Variants in NREP observed in about 807,000 individuals in gnomAD.
NREP encodes neuronal regeneration related protein, also known as neuronal regeneration-related protein.
NREP carries 5 observed loss-of-function variants against 8.6 expected under a neutral mutation model. That is an observed-to-expected ratio of 0.58 (90% confidence interval 0.30 to 1.22). The LOEUF (loss-of-function observed/expected upper bound fraction) is 1.22. Among genes scored for constraint, NREP ranks in the 50% most tolerant of loss-of-function variants. The pLI, the probability that NREP is intolerant of heterozygous loss-of-function variation, is 0.07. For synonymous variants in NREP, 27 were observed against 28.0 expected (o/e 0.96, Z 0.11); for missense variants, 86 against 82.5 (o/e 1.04, Z -0.17).
intron 2 of NREP, among the ~76,000 whole-genome samples, chr5:111,953,408 A>T (rs1230764901): frequency 6.6e-6 from 1 of 152,038 alleles, no homozygotes; most frequent in African/African-American, 2.4e-5. Flanking sequence ...TTTTTTTCCC[A>T]AAGACTTTTC....
At chr5:111,941,516 A>G (rs1298603834) in intron 2 of NREP, among the ~76,000 whole-genome samples, 1 of 152,010 alleles carries the variant, frequency 6.6e-6, no homozygotes, top group African/African-American at 2.4e-5. Context: ...TCCTCTGCGC[A>G]CTGTAAACAG....
chr5:111,883,212 G>C (rs1006803499), intron 2 of NREP, among the ~76,000 whole-genome samples: 1 of 152,136 alleles, frequency 6.6e-6, no homozygotes, highest in Admixed American at 6.6e-5. Context: ...AACCAGCAAA[G>C]ATCAAAAGAG....
chr5:111,842,618 T>A (rs1321526848), intron 2 of NREP, among the ~76,000 whole-genome samples: 1 of 152,216 alleles, frequency 6.6e-6, no homozygotes, highest in Non-Finnish European at 1.5e-5. Context: ...GTAATGTGTA[T>A]ACTATCATTA....
chr5:111,964,762 T>C (rs965171673), intron 2 of NREP, among the ~76,000 whole-genome samples: 3 of 148,258 alleles, frequency 2.0e-5, no homozygotes, highest in Non-Finnish European at 3.0e-5. Flanking sequence ...CCAGCTTACA[T>C]GTACAAGAGC....
chr5:111,881,785 G>A (rs1455585607), intron 2 of NREP, among the ~76,000 whole-genome samples: 1 of 152,062 alleles, frequency 6.6e-6, no homozygotes, highest in Non-Finnish European at 1.5e-5. Context: ...CTGTTAGAAG[G>A]AAAACTAACA....
intron 2 of NREP, among the ~76,000 whole-genome samples, chr5:111,821,699 T>C (rs1225490390): frequency 3.9e-5 from 6 of 152,132 alleles, no homozygotes; most frequent in African/African-American, 1.4e-4. Flanking sequence ...GAGATGTGTG[T>C]TGAGTTTCAT....
chr5:111,802,308 A>C (rs1352922274), intron 2 of NREP, among the ~76,000 whole-genome samples: 1 of 146,414 alleles, frequency 6.8e-6, no homozygotes, highest in African/African-American at 2.6e-5. Flanking sequence ...ACTGTTAAAA[A>C]AGTATAGCAA....
chr5:111,976,448 G>A (rs1756965901), intron 1 of NREP, among the ~76,000 whole-genome samples: 1 of 152,194 alleles, frequency 6.6e-6, no homozygotes, highest in Admixed American at 6.5e-5. Context: ...TTGGAAGCAG[G>A]AACCTCCTCT....
At chr5:111,922,572 C>T (rs1387995613) in intron 2 of NREP, among the ~76,000 whole-genome samples, 1 of 152,110 alleles carries the variant, frequency 6.6e-6, no homozygotes, top group East Asian at 1.9e-4. Context: ...GAGAAGAAGC[C>T]ATCTGTTGAG....
rs532052132 is a variant in NREP at position 111,968,861 on chromosome 5, T to C, written c.135+6413A>G. On this transcript the variant is annotated intron_variant, in intron 2 of 3. Coordinates refer to the NREP transcript ENST00000395634. ...CCCTGTTGTCTACAAAACAAAGTCA[T>C]AACCCCTCAGCATGGTTTTCAAGGC... Among the ~76,000 whole-genome samples, 14 of 152,326 alleles carry C rather than the reference T, an allele frequency of 9.2e-5. No homozygotes were observed. In the East Asian group the frequency reaches 2.5e-3, roughly 27 times the overall value.
At chr5:111,753,356 A>ATG (rs1437184495) in intron 2 of NREP, among the ~76,000 whole-genome samples, 10 of 146,314 alleles carry the variant, frequency 6.8e-5, no homozygotes, top group African/African-American at 2.3e-4. Flanking sequence ...ATATATATGT[A>ATG]TATATATATG....
upstream of NREP, among the ~76,000 whole-genome samples, chr5:111,759,421 CT>C (rs56847446): frequency 1.6e-3 from 229 of 144,658 alleles, no homozygotes; most frequent in Non-Finnish European, 1.4e-3. Flanking sequence ...TTCTTTCTTT[CT>C]TTTTTTTTTT....
intron 2 of NREP, among the ~76,000 whole-genome samples, chr5:111,858,264 G>A (rs1753468766): frequency 6.6e-6 from 1 of 151,986 alleles, no homozygotes; most frequent in Non-Finnish European, 1.5e-5. Flanking sequence ...TAGAGGTCTG[G>A]GGTGCATGTT....
chr5:111,876,150 G>A (rs1368938788), intron 2 of NREP, among the ~76,000 whole-genome samples: 1 of 152,150 alleles, frequency 6.6e-6, no homozygotes, highest in Non-Finnish European at 1.5e-5. Context: ...TGGCCCCCAG[G>A]TAGCCCTTTT....
At chr5:111,899,301 GC>G (rs1439341098) in intron 2 of NREP, among the ~76,000 whole-genome samples, 1 of 152,112 alleles carries the variant, frequency 6.6e-6, no homozygotes, top group Non-Finnish European at 1.5e-5. Flanking sequence ...ACTGCTTGTG[GC>G]CAGGAATTTG....
intron 2 of NREP, among the ~76,000 whole-genome samples, chr5:111,740,084 G>A (rs1021339873): frequency 6.6e-6 from 1 of 151,516 alleles, no homozygotes; most frequent in Non-Finnish European, 1.5e-5. Context: ...AGTTTTGTTT[G>A]AATTCTGGGG....
upstream of NREP, chr5:111,757,359 G>A (rs1750789319): frequency 2.7e-5 from 25 of 913,760 alleles, no homozygotes; most frequent in Non-Finnish European, 3.3e-5. Context: ...GAAAAAGGAG[G>A]AGGAGATCAT....
upstream of NREP, among the ~76,000 whole-genome samples, chr5:111,760,224 G>A (rs186499436): frequency 9.2e-5 from 14 of 152,250 alleles, no homozygotes; most frequent in African/African-American, 3.4e-4. Context: ...TGTAGGAAAC[G>A]CCAGTTGTCA....
rs184222602 is a variant in NREP, at chr5:111,976,494, G to C, written c.30+216C>G. ...GCACTGTATCCCAGTACCTTCAGCA[G>C]TGCTGAGGCCAGAGAAGACAATAAG... On this transcript the variant is annotated intron_variant, in intron 1 of 3. Transcript: ENST00000395634. 5.1e-4 allele frequency among the ~76,000 whole-genome samples: 77 copies of C among 152,354 alleles called. 1 individual carries two copies. The highest frequency in any genetic ancestry group is 1.0e-3 in the Non-Finnish European group (69 of 68,038).
Sources: gnomAD v4.1 joint callset for allele counts (sites outside exome capture counted in the v4.1 genomes callset) on GRCh38, gnomAD v4.1.1 for gene constraint, MANE v1.5 for transcripts, NCBI Gene and HGNC (gene_info 2026-07-23, HGNC 2026-07-21) for gene names.